Variants in MAML2 observed in about 807,000 individuals in gnomAD.
The protein encoded by MAML2 is mastermind-like protein 2.
Under a neutral mutation model 96.1 loss-of-function variants are expected in MAML2, and 22 were observed. The ratio of observed to expected loss-of-function variants is 0.23; its 90% confidence interval spans 0.16 to 0.33. MAML2 has a LOEUF of 0.33. Ranked by LOEUF, MAML2 falls within the 10% of genes least tolerant of loss-of-function variation. MAML2 has a pLI of 1.00. For missense variants in MAML2, 1,367 were observed against 1,392.4 expected, an observed-to-expected ratio of 0.98 and a Z score of 0.29; for synonymous variants, 561 against 521.3, an observed-to-expected ratio of 1.08 and a Z score of -1.04.
At chr11:96,177,513 C>T (rs1007184779) in intron 1 of MAML2, among the ~76,000 whole-genome samples, 2 of 152,190 alleles carry the variant, frequency 1.3e-5, no homozygotes, top group Non-Finnish European at 2.9e-5. Flanking sequence ...GCCAAAGTTA[C>T]AAGGTATGTC....
intron 1 of MAML2, among the ~76,000 whole-genome samples, chr11:96,117,760 C>T (rs2135840514): frequency 6.6e-6 from 1 of 152,264 alleles, no homozygotes; most frequent in African/African-American, 2.4e-5. Context: ...GCTGAAAGCT[C>T]ACCACACCCC....
intron 1 of MAML2, among the ~76,000 whole-genome samples, chr11:96,124,409 G>A (rs908243035): frequency 4.6e-5 from 7 of 152,180 alleles, no homozygotes; most frequent in African/African-American, 1.4e-4. Context: ...GCTATGGTAA[G>A]AGAACCACCT....
At chr11:96,122,497 G>GGGGTGT (rs888521931) in intron 1 of MAML2, among the ~76,000 whole-genome samples, 24 of 135,682 alleles carry the variant, frequency 1.8e-4, no homozygotes, top group Non-Finnish European at 3.1e-4. Context: ...TTTTAGGCTG[G>GGGGTGT]GTGTGTGTGT....
At chr11:96,185,610 T>G (rs1240636493) in intron 1 of MAML2, among the ~76,000 whole-genome samples, 1 of 152,242 alleles carries the variant, frequency 6.6e-6, no homozygotes. Flanking sequence ...TGGCATCACC[T>G]GGGAACTTGC....
In MAML2 at chr11:96,180,409, C is replaced by A. The variant is rs138999748; in HGVS notation, c.514-86892G>T. On this transcript the variant is annotated intron_variant, in intron 1 of 4. Transcript: ENST00000524717. ...AAAAGGATACAGTTTCCACTTGGCTCTCTTTTTCAGGATGCTTATGCTGGG... is the reference window on the plus strand; with the variant it reads ...AAAAGGATACAGTTTCCACTTGGCTATCTTTTTCAGGATGCTTATGCTGGG... Among the ~76,000 whole-genome samples, 9 of 152,320 alleles carry A rather than the reference C, an allele frequency of 5.9e-5. No homozygotes were observed. The East Asian group carries it at 1.5e-3, about 26-fold the overall frequency.
intron 1 of MAML2, among the ~76,000 whole-genome samples, chr11:96,161,453 A>C (rs1322550723): frequency 2.6e-5 from 4 of 152,174 alleles, no homozygotes; most frequent in African/African-American, 9.7e-5. Context: ...TTACCCTGTA[A>C]AACGGACAGA....
intron 1 of MAML2, among the ~76,000 whole-genome samples, chr11:96,337,320 A>C (rs1863933803): frequency 6.6e-6 from 1 of 152,198 alleles, no homozygotes; most frequent in Non-Finnish European, 1.5e-5. Flanking sequence ...TCAACTTTTT[A>C]ATTGTCAATT....
chr11:96,183,568 T>C (rs560336653), intron 1 of MAML2, among the ~76,000 whole-genome samples: 12 of 151,102 alleles, frequency 7.9e-5, no homozygotes, highest in African/African-American at 2.7e-4. Flanking sequence ...CAGCTAGATT[T>C]TTTTTTTTTT....
intron 1 of MAML2, among the ~76,000 whole-genome samples, chr11:96,282,837 C>T (rs1413945130): frequency 1.3e-5 from 2 of 152,166 alleles, no homozygotes; most frequent in African/African-American, 4.8e-5. Flanking sequence ...TGGAATGTGA[C>T]CTCAGTCATC....
chr11:96,260,390 C>T (rs1862730914), intron 1 of MAML2, among the ~76,000 whole-genome samples: 1 of 152,220 alleles, frequency 6.6e-6, no homozygotes, highest in Non-Finnish European at 1.5e-5. Flanking sequence ...TGTCTTATCC[C>T]TTGGCCGTCT....
At chr11:96,202,163 C>A (rs1861832794) in intron 1 of MAML2, among the ~76,000 whole-genome samples, 1 of 117,932 alleles carries the variant, frequency 8.5e-6, no homozygotes, top group Non-Finnish European at 1.7e-5. Context: ...GAAACCCTGT[C>A]TCTACTAAAA....
chr11:96,137,782 T>C (rs1860661110), intron 1 of MAML2, among the ~76,000 whole-genome samples: 1 of 152,234 alleles, frequency 6.6e-6, no homozygotes, highest in African/African-American at 2.4e-5. Context: ...AATTAGAATT[T>C]TATAATTGCA....
chr11:96,137,120 A>C (rs1860647738), intron 1 of MAML2, among the ~76,000 whole-genome samples: 1 of 152,220 alleles, frequency 6.6e-6, no homozygotes, highest in South Asian at 2.1e-4. Context: ...AAATACACAG[A>C]AAACTGTAAG....
At chr11:96,266,173 C>G (rs1862822819) in intron 1 of MAML2, among the ~76,000 whole-genome samples, 1 of 152,122 alleles carries the variant, frequency 6.6e-6, no homozygotes, top group South Asian at 2.1e-4. Context: ...AAGAAACGAG[C>G]CACTTCCCCA....
At chr11:96,116,458 G>A (rs1418940824) in intron 1 of MAML2, among the ~76,000 whole-genome samples, 3 of 152,206 alleles carry the variant, frequency 2.0e-5, no homozygotes, top group Non-Finnish European at 2.9e-5. Flanking sequence ...CGCAAACAGA[G>A]TCAGCCTGTA....
rs770130420 is a variant in MAML2, at chr11:96,287,124, A to T, written c.513+54259T>A. On this transcript the variant is annotated intron_variant, in intron 1 of 4. Transcript: ENST00000524717. ...GATGTTAACTGAGCTTACAAGAATG[A>T]AGAATATTGTCATCAGATAGTTGTA... 5.4e-4 allele frequency among the ~76,000 whole-genome samples: 83 copies of T among 152,368 alleles called. 1 individual carries two copies. Among genetic ancestry groups the T allele is most frequent in the Non-Finnish European group, 4.1e-4 (28 of 68,036 alleles).
intron 1 of MAML2, among the ~76,000 whole-genome samples, chr11:96,150,679 C>CATA (rs1860905176): frequency 6.6e-6 from 1 of 152,126 alleles, no homozygotes; most frequent in Non-Finnish European, 1.5e-5. Flanking sequence ...CCTCACCCTA[C>CATA]ATAAGATAGT....
chr11:96,094,092 C>T (rs907560158), intron 1 of MAML2, among the ~76,000 whole-genome samples: 6 of 146,158 alleles, frequency 4.1e-5, no homozygotes, highest in Non-Finnish European at 7.7e-5. Flanking sequence ...TGTTCATCTA[C>T]TTTTCTTCCT....
chr11:96,211,446 T>TAAA (rs5793789), intron 1 of MAML2, among the ~76,000 whole-genome samples: 6,107 of 141,542 alleles, frequency 0.043, 436 homozygotes, highest in African/African-American at 0.15. Context: ...TCTTTGAAAT[T>TAAA]AAAAAAAAAA....
Sources: gnomAD v4.1 joint callset for allele counts (sites outside exome capture counted in the v4.1 genomes callset) on GRCh38, gnomAD v4.1.1 for gene constraint, MANE v1.5 for transcripts, NCBI Gene and HGNC (gene_info 2026-07-23, HGNC 2026-07-21) for gene names.